BCAS3: variants seen among roughly 807,000 people sequenced by gnomAD.
BCAS3 encodes BCAS3 microtubule associated cell migration factor.
BCAS3 carries 53 observed loss-of-function variants against 116.1 expected under a neutral mutation model. The ratio of observed to expected loss-of-function variants is 0.46; its 90% CI spans 0.37 to 0.57. The LOEUF (loss-of-function observed/expected upper bound fraction) is 0.57. BCAS3 is among the 20% of genes least tolerant of loss of function. BCAS3 has a pLI of 0.00. For synonymous variants in BCAS3, 391 were observed against 408.2 expected (o/e 0.96, Z 0.51); for missense variants, 917 against 1,165.4 (o/e 0.79, Z 3.10).
intron 6 of BCAS3, among the ~76,000 whole-genome samples, chr17:60,765,869 C>T (rs537098380): frequency 6.6e-6 from 1 of 152,278 alleles, no homozygotes; most frequent in Admixed American, 6.5e-5. Flanking sequence ...TCCTATATTT[C>T]TTGGAGGCTT....
At chr17:61,040,722 A>T in intron 18 of BCAS3, 70 bp from the exon 19 acceptor site, 1 of 1,240,938 alleles carries the variant, frequency 8.1e-7, no homozygotes, top group East Asian at 2.3e-5. Context: ...TTCATAAGTG[A>T]TGACAGTCAT....
chr17:60,973,603 A>ATATC (rs1329532388), intron 14 of BCAS3, among the ~76,000 whole-genome samples: 1 of 148,830 alleles, frequency 6.7e-6, no homozygotes, highest in Non-Finnish European at 1.5e-5. Context: ...ATATATATAT[A>ATATC]TATATGTATG....
At chr17:60,857,631 G>A (rs2053790813) in intron 7 of BCAS3, among the ~76,000 whole-genome samples, 1 of 152,116 alleles carries the variant, frequency 6.6e-6, no homozygotes, top group African/African-American at 2.4e-5. Context: ...CTGCCCATGA[G>A]GAAAATTAAG....
Position 61,368,607 on chromosome 17 carries a change from T to C in BCAS3, c.2593+113T>C, listed in dbSNP as rs911375148. Reference sequence around the variant, plus strand: ...TGTTTGTTTTTGCTGTTGGTTTCTTTAGTTAGCACTCCAGTGGCTATCCGT... The same window carrying C: ...TGTTTGTTTTTGCTGTTGGTTTCTTCAGTTAGCACTCCAGTGGCTATCCGT... On this transcript the variant is annotated intron_variant, in intron 23 of 23. Transcript: ENST00000407086. This position sits in a 1 kb window ranked among gnomAD's most constrained non-coding sequence, Gnocchi z 6.0. The C allele has an allele frequency of 4.1e-6, 5 of 1,232,972 alleles. No individual in the cohort carries two copies. Among genetic ancestry groups the C allele is most frequent in the African/African-American group, 1.5e-5 (1 of 66,116 alleles). 76.4% of individuals were successfully genotyped at this position (1,232,972 alleles called of 1,614,324 possible). A position where few individuals can be genotyped will look rare whatever the true frequency, so the allele number is the denominator to read the frequency against.
intron 22 of BCAS3, among the ~76,000 whole-genome samples, chr17:61,212,075 T>C (rs1265495862): frequency 6.6e-6 from 1 of 152,168 alleles, no homozygotes; most frequent in African/African-American, 2.4e-5. Flanking sequence ...TGGTACACGA[T>C]TGTTTTCTGT....
intron 17 of BCAS3, among the ~76,000 whole-genome samples, chr17:61,035,207 G>A (rs2066922343): frequency 6.6e-6 from 1 of 152,138 alleles, no homozygotes; most frequent in Non-Finnish European, 1.5e-5. Flanking sequence ...GTACTGGTTA[G>A]TTAGGCAATG....
intron 6 of BCAS3, among the ~76,000 whole-genome samples, chr17:60,773,646 G>GT (rs202032170): frequency 2.4e-4 from 36 of 150,824 alleles, no homozygotes; most frequent in Non-Finnish European, 4.3e-4. Context: ...TTATTGTTGA[G>GT]TTTTTTTTTA....
chr17:61,345,325 C>T (rs968951420), intron 22 of BCAS3, among the ~76,000 whole-genome samples: 4 of 152,120 alleles, frequency 2.6e-5, no homozygotes, highest in African/African-American at 9.7e-5. Flanking sequence ...CGCCCTGGGT[C>T]ACTTTTAGGA....
intron 22 of BCAS3, among the ~76,000 whole-genome samples, chr17:61,135,585 C>G (rs2076581134): frequency 6.6e-6 from 1 of 152,210 alleles, no homozygotes; most frequent in African/African-American, 2.4e-5. Context: ...CCTTGAGGTC[C>G]TGTGTGTACA....
Position 61,344,484 on chromosome 17 carries a change from T to G in BCAS3, c.2426-23843T>G, listed in dbSNP as rs2057379611. On this transcript the variant is annotated intron_variant, in intron 22 of 23. Transcript: ENST00000407086. The surrounding 1 kb of genome is among the most constrained non-coding windows in gnomAD (Gnocchi z 4.1). The stretch of plus-strand genomic sequence containing the variant: ...CTATAGAGACTTTAAAGAAGGTGGG[T>G]CCTAAGTTTTGAGGGTACCATGGAG... 6.6e-6 allele frequency among the ~76,000 whole-genome samples: 1 copy of G among 152,110 alleles called. No individual in the cohort carries two copies. The highest frequency in any genetic ancestry group is 2.4e-5 in the African/African-American group (1 of 41,428).
intron 7 of BCAS3, among the ~76,000 whole-genome samples, chr17:60,863,732 A>G (rs772865012): frequency 1.1e-4 from 17 of 152,286 alleles, no homozygotes; most frequent in Non-Finnish European, 2.2e-4. Context: ...GAGGCCCTGT[A>G]TCTAAAACAA....
chr17:60,854,549 C>T (rs1033218079), intron 7 of BCAS3, among the ~76,000 whole-genome samples: 6 of 152,160 alleles, frequency 3.9e-5, no homozygotes, highest in Non-Finnish European at 4.4e-5. Flanking sequence ...TGAACAGACA[C>T]TTCTCAAAAG....
intron 19 of BCAS3, among the ~76,000 whole-genome samples, chr17:61,062,297 C>G (rs2070136802): frequency 6.6e-6 from 1 of 152,148 alleles, no homozygotes; most frequent in African/African-American, 2.4e-5. Flanking sequence ...GAGGCAACTA[C>G]TATTAGTAAT....
rs533926114 is a variant in BCAS3 at position 61,349,608 on chromosome 17, A to T, written c.2426-18719A>T. Among the ~76,000 whole-genome samples the T allele has an allele frequency of 2.9e-4, 44 of 152,342 alleles. No homozygotes were observed. The highest frequency in any genetic ancestry group is 1.0e-3 in the African/African-American group (43 of 41,582). ...TTGTGGAATAATGGACCTGACTGTA[A>T]TCCAACATGTTTTTTAAAGCTAGCA... On this transcript the variant is annotated intron_variant, in intron 22 of 23. Transcript: ENST00000407086. The surrounding 1 kb of genome is among the most constrained non-coding windows in gnomAD (Gnocchi z 4.7).
intron 7 of BCAS3, among the ~76,000 whole-genome samples, chr17:60,850,314 T>G (rs1343195147): frequency 6.6e-6 from 1 of 151,480 alleles, no homozygotes; most frequent in Non-Finnish European, 1.5e-5. Context: ...TATTACTCCT[T>G]TTTTCCCTCC....
chr17:60,717,379 GT>G (rs1780207444), intron 5 of BCAS3, among the ~76,000 whole-genome samples: 1 of 151,612 alleles, frequency 6.6e-6, no homozygotes, highest in African/African-American at 2.4e-5. Flanking sequence ...CCACGCCTGG[GT>G]ACTTTTTGTA....
chr17:60,824,574 G>C (rs1294276497), intron 7 of BCAS3, among the ~76,000 whole-genome samples: 1 of 152,184 alleles, frequency 6.6e-6, no homozygotes. Context: ...GCTTCTCAGA[G>C]TGAATCCTAC....
intron 22 of BCAS3, among the ~76,000 whole-genome samples, chr17:61,358,113 CAT>C (rs1317195685): frequency 6.6e-6 from 1 of 151,346 alleles, no homozygotes; most frequent in Non-Finnish European, 1.5e-5. Flanking sequence ...TTGTGGGAAA[CAT>C]ATAGAAAAAT....
At chr17:60,683,003 C>A (rs991704623) in intron 2 of BCAS3, among the ~76,000 whole-genome samples, 39 of 151,998 alleles carry the variant, frequency 2.6e-4, no homozygotes, top group African/African-American at 8.9e-4. Context: ...CTGCCAACTT[C>A]TGGGTTCAAC....
Sources: gnomAD v4.1 joint callset for allele counts (sites outside exome capture counted in the v4.1 genomes callset) on GRCh38, gnomAD v4.1.1 for gene constraint, Gnocchi (gnomAD v3.1) non-coding constraint, MANE v1.5 for transcripts, NCBI Gene and HGNC (gene_info 2026-07-23, HGNC 2026-07-21) for gene names.